The following SLC12A2 variants were observed in gnomAD, a reference collection of about 807,000 sequenced individuals.
SLC12A2 encodes Na-K-2Cl cotransporter 1.
SLC12A2 carries 67 observed loss-of-function variants against 136.3 expected under a neutral mutation model. The ratio of observed to expected loss-of-function variants is 0.49; its 90% confidence interval spans 0.40 to 0.60. SLC12A2 has a LOEUF of 0.60. Among genes scored for constraint, SLC12A2 ranks in the 20% least tolerant of loss-of-function variants. The pLI is 0.00. For synonymous variants in SLC12A2, 619 were observed against 562.9 expected, an observed-to-expected ratio of 1.10 and a Z score of -1.41; for missense variants, 1,322 against 1,534.7, an observed-to-expected ratio of 0.86 and a Z score of 2.32.
chr5:128,134,231 A>T lies in SLC12A2; in HGVS notation c.1255A>T (p.Ile419Phe). 6.2e-7 allele frequency: 1 copy of T among 1,606,280 alleles called. No homozygotes were observed. ...IRIIGAITVVILLGISVAGME... is the reference protein window; with the variant it reads ...IRIIGAITVVFLLGISVAGME... ...AATTATTGGAGCCATTACAGTCGTG[A>T]TTCTTTTAGGTATCTCAGTAGCTGG... The change falls in exon 6 of 27, where the codon ATT (isoleucine) becomes TTT (phenylalanine). Residue 419 changes from isoleucine (I) to phenylalanine (F), a missense_variant. Physicochemically the swap from Ile to Phe is conservative, Grantham distance 21. This residue lies in a region of SLC12A2 where 110 missense variants were observed against 114.5 expected (regional missense o/e 0.96). Transcript: ENST00000262461.
chr5:128,107,166 TGTCC>T (rs1760969639), intron 1 of SLC12A2, among the ~76,000 whole-genome samples: 1 of 152,212 alleles, frequency 6.6e-6, no homozygotes, highest in Non-Finnish European at 1.5e-5. Flanking sequence ...TATTTGGGAT[TGTCC>T]CTGACTCTAC....
intron 4 of SLC12A2, among the ~76,000 whole-genome samples, chr5:128,116,624 T>C (rs553847074): frequency 6.6e-6 from 1 of 152,222 alleles, no homozygotes; most frequent in Admixed American, 6.5e-5. Flanking sequence ...TATGAGGTGT[T>C]CATACGATCA....
chr5:128,101,722 G>A (rs1398054285), intron 1 of SLC12A2, among the ~76,000 whole-genome samples: 1 of 152,172 alleles, frequency 6.6e-6, no homozygotes, highest in Admixed American at 6.5e-5. Flanking sequence ...TTTGTAAAGT[G>A]TGTATCAGTG....
At position 128,126,968 on chromosome 5, in the gene SLC12A2, T is replaced by TATATATATATATATATAA. The variant is rs1761831735; in HGVS notation, c.1049-4099_1049-4098insATATATATATATATATAA. On this transcript the variant is annotated intron_variant, in intron 4 of 26. Coordinates refer to ENST00000262461, the MANE Select transcript of SLC12A2 (RefSeq NM_001046.3). The stretch of plus-strand genomic sequence containing the variant: ...TATATATATATATATATATATATAT[T>TATATATATATATATATAA]TTTTTTTTTTTTTTTTTTTGCATCT... Among the ~76,000 whole-genome samples, 25 of 54,384 alleles carry TATATATATATATATATAA rather than the reference T, an allele frequency of 4.6e-4. 1 individual carries two copies. The highest frequency in any genetic ancestry group is 3.8e-4 in the Admixed American group (2 of 5,298). 35.7% of individuals were successfully genotyped at this position (54,384 alleles called of 152,430 possible). A position where few individuals can be genotyped will look rare whatever the true frequency, so the allele number is the denominator to read the frequency against.
chr5:128,084,992 C>T lies in SLC12A2; in HGVS notation c.756+282C>T, dbSNP rs569635596. On this transcript the variant is annotated intron_variant, in intron 1 of 26. Transcript: ENST00000262461. The surrounding 1 kb of genome is among the most constrained non-coding windows in gnomAD (Gnocchi z 5.6). The stretch of plus-strand genomic sequence containing the variant: ...TCGTGTGCACTTTCTTTCCCACCCA[C>T]GCTCAACAGTCACCATCCCTCTGAA... Among the ~76,000 whole-genome samples, 5 of 150,106 alleles carry T rather than the reference C, an allele frequency of 3.3e-5. No homozygotes were observed. The highest frequency in any genetic ancestry group is 7.4e-5 in the African/African-American group (3 of 40,598).
chr5:128,182,970 T>A, intron 24 of SLC12A2, 29 bp downstream of exon 24: 1 of 1,384,166 alleles, frequency 7.2e-7, no homozygotes, highest in Non-Finnish European at 1.0e-6. Context: ...TTCTGATCCC[T>A]TTATAGATGG....
intron 1 of SLC12A2, among the ~76,000 whole-genome samples, chr5:128,103,768 A>T (rs926130334): frequency 2.0e-5 from 3 of 152,240 alleles, no homozygotes; most frequent in African/African-American, 7.2e-5. Context: ...AAAGTCCCTC[A>T]GGAGAAAATA....
intron 15 of SLC12A2, among the ~76,000 whole-genome samples, chr5:128,156,722 C>T (rs1220323837): frequency 1.3e-5 from 2 of 152,138 alleles, no homozygotes; most frequent in Non-Finnish European, 2.9e-5. Context: ...TCACTCAGAA[C>T]CCACGTTCCT....
intron 10 of SLC12A2, among the ~76,000 whole-genome samples, chr5:128,146,183 A>G (rs1762522244): frequency 6.6e-6 from 1 of 151,880 alleles, no homozygotes; most frequent in African/African-American, 2.4e-5. Context: ...CACGACGATC[A>G]TTTTGAAGTA....
rs1419269896 is a variant in SLC12A2 at position 128,184,847 on chromosome 5, T to C, written c.3494T>C (p.Ile1165Thr). The stretch of plus-strand genomic sequence containing the variant: ...AAGGAACATTCAAGCACAGCTAATA[T>C]TATTGTCATGTAAGTAATATCTTTA... ...LLKEHSSTAN[I>T]IVMSLPVARK... is the part of the protein sequence containing the mutation. The change falls in exon 26 of 27, where the codon ATT becomes ACT. Residue 1165 changes from isoleucine (I) to threonine (T), a missense_variant. Physicochemically the swap from Ile to Thr is moderately conservative, Grantham distance 89. Coordinates refer to ENST00000262461, the MANE Select transcript of SLC12A2 (RefSeq NM_001046.3). The C allele has an allele frequency of 1.2e-6, 2 of 1,600,078 alleles. No homozygotes were observed. Among genetic ancestry groups the C allele is most frequent in the South Asian group, 1.1e-5 (1 of 90,684 alleles).
intron 15 of SLC12A2, among the ~76,000 whole-genome samples, chr5:128,154,345 G>GT (rs943194602): frequency 3.2e-4 from 48 of 151,940 alleles, no homozygotes; most frequent in Non-Finnish European, 5.7e-4. Context: ...GAGCCAAGGA[G>GT]TGTCTAGGCT....
At chr5:128,178,935 C>A (rs796096005) in intron 22 of SLC12A2, among the ~76,000 whole-genome samples, 3 of 151,956 alleles carry the variant, frequency 2.0e-5, no homozygotes, top group Non-Finnish European at 2.9e-5. Context: ...TAATATGAAC[C>A]ATTTTGTTGA....
At position 128,184,837 on chromosome 5, in the gene SLC12A2, A is replaced by G. The variant is rs1183504512; in HGVS notation, c.3484A>G (p.Thr1162Ala). 6.2e-7 allele frequency: 1 copy of G among 1,604,708 alleles called. No homozygotes were observed. Among genetic ancestry groups the G allele is most frequent in the Admixed American group, 1.7e-5 (1 of 59,976 alleles). ...LNELLKEHSSTANIIVMSLPV... is the reference protein window; with the variant it reads ...LNELLKEHSSAANIIVMSLPV... ...TGAGTTATTAAAGGAACATTCAAGC[A>G]CAGCTAATATTATTGTCATGTAAGT... Residue 1162 changes from threonine (T) to alanine (A), a missense_variant, in exon 26 of 27, where the codon ACA becomes GCA. Thr to Ala is a moderately conservative substitution (Grantham distance 58). This residue lies in a region of SLC12A2 where 172 missense variants were observed against 227.4 expected (regional missense o/e 0.76). Transcript: ENST00000262461.
At chr5:128,153,101 T>A (rs1762757543) in intron 15 of SLC12A2, among the ~76,000 whole-genome samples, 1 of 152,186 alleles carries the variant, frequency 6.6e-6, no homozygotes, top group African/African-American at 2.4e-5. Flanking sequence ...TCATAAAGAT[T>A]TTTTGACATG....
rs1478038465 is a variant in SLC12A2 at position 128,083,801 on chromosome 5, G to T, written c.-154G>T. On this transcript the variant is annotated 5_prime_UTR_variant, in exon 1 of 27. Transcript: ENST00000262461. ...GCTCGCTCGGCTGCCGGTGGCCTCT[G>T]TGGCCGTCCAGGCTAGCGGCGGCCC... is the stretch of plus-strand genomic sequence containing the variant. The T allele has an allele frequency of 3.8e-6, 2 of 524,404 alleles. No individual in the cohort carries two copies. The highest frequency in any genetic ancestry group is 5.7e-6 in the Non-Finnish European group (2 of 349,478). 32.5% of individuals were successfully genotyped at this position (524,404 alleles called of 1,614,324 possible). A position where few individuals can be genotyped will look rare whatever the true frequency, so the allele number is the denominator to read the frequency against.
At chr5:128,185,421 C>G (rs1763835749) in intron 26 of SLC12A2, among the ~76,000 whole-genome samples, 1 of 152,058 alleles carries the variant, frequency 6.6e-6, no homozygotes, top group East Asian at 1.9e-4. Context: ...TTTCTGAGTT[C>G]TGGAACATGT....
intron 1 of SLC12A2, chr5:128,109,815 T>C: frequency 1.3e-6 from 1 of 795,498 alleles, no homozygotes; most frequent in East Asian, 2.4e-5. Flanking sequence ...AATCTGAAGA[T>C]GGGAGTTAAA....
intron 19 of SLC12A2, among the ~76,000 whole-genome samples, chr5:128,173,398 T>C (rs1350972060): frequency 1.3e-5 from 2 of 152,224 alleles, no homozygotes; most frequent in African/African-American, 4.8e-5. Flanking sequence ...GAATAAATTA[T>C]ATAGTTCTAT....
intron 10 of SLC12A2, among the ~76,000 whole-genome samples, chr5:128,143,804 G>A (rs1265098153): frequency 4.6e-5 from 7 of 150,938 alleles, no homozygotes; most frequent in African/African-American, 1.5e-4. Flanking sequence ...GTATTTTAAT[G>A]TATTTAAAAT....
Sources: gnomAD v4.1 joint callset for allele counts (sites outside exome capture counted in the v4.1 genomes callset) on GRCh38, gnomAD v4.1.1 for gene constraint, gnomAD v4.1.1 regional missense constraint, Gnocchi (gnomAD v3.1) non-coding constraint, MANE v1.5 for transcripts, NCBI Gene and HGNC (gene_info 2026-07-23, HGNC 2026-07-21) for gene names.